The following RFT1 variants were observed in gnomAD, a reference collection of about 807,000 sequenced individuals.
RFT1 encodes the protein man(5)GlcNAc(2)-PP-dolichol translocation protein RFT1.
RFT1 carries 43 observed loss-of-function variants against 62.2 expected under a neutral mutation model. The observed-to-expected ratio is 0.69, with a 90% confidence interval of 0.54 to 0.89. The LOEUF (loss-of-function observed/expected upper bound fraction) is 0.89. Ranked by LOEUF, RFT1 falls within the 40% of genes least tolerant of loss-of-function variation. RFT1 has a pLI of 0.00. For missense variants in RFT1, 605 were observed against 649.9 expected, an observed-to-expected ratio of 0.93 and a Z score of 0.75; for synonymous variants, 262 against 264.6, an observed-to-expected ratio of 0.99 and a Z score of 0.10.
intron 10 of RFT1, among the ~76,000 whole-genome samples, chr3:53,102,920 G>T (rs978633013): frequency 6.6e-6 from 1 of 152,186 alleles, no homozygotes; most frequent in Non-Finnish European, 1.5e-5. Context: ...TTCTAAAGGG[G>T]AAGAGCTGCT....
chr3:53,121,667 T>C (rs1270076570), intron 5 of RFT1, 32 bp downstream of exon 5: 6 of 1,516,086 alleles, frequency 4.0e-6, no homozygotes, highest in Non-Finnish European at 5.5e-6. Flanking sequence ...GAAACAAAGA[T>C]CATATAAAAA....
chr3:53,116,926 A>G (rs2107149312), intron 6 of RFT1, among the ~76,000 whole-genome samples: 1 of 152,310 alleles, frequency 6.6e-6, no homozygotes, highest in Admixed American at 6.5e-5. Flanking sequence ...AATAAACCTG[A>G]ATTATGAATT....
intron 4 of RFT1, 80 bp from the exon 5 acceptor site, chr3:53,121,880 A>G (rs1440239582): frequency 8.4e-7 from 1 of 1,189,022 alleles, no homozygotes; most frequent in East Asian, 2.5e-5. Flanking sequence ...CAGAAAATCT[A>G]GGGCAGTGGT....
chr3:53,079,536 C>A, the RFT1 span, among the ~76,000 whole-genome samples: 8 of 152,182 alleles, frequency 5.3e-5, no homozygotes, highest in Non-Finnish European at 1.0e-4. Flanking sequence ...GAGTTCGAGA[C>A]CAGTCTGGCC....
rs201728146 is a variant in RFT1, at chr3:53,106,859, A to G, written c.786T>C (p.Tyr262=). The change falls in exon 8 of 13, where the codon TAT becomes TAC. Residue 262 remains tyrosine, a synonymous_variant. Coordinates refer to ENST00000296292, the MANE Select transcript of RFT1 (RefSeq NM_052859.4). ...TCAATACATTCAAAAATGTCATCAC[A>G]TATCGCTCGCCTATAAACAAAAAAG... ...LKQILTEGER[Y]VMTFLNVLNF... is the part of the protein sequence containing the mutation. 1.9e-6 allele frequency: 3 copies of G among 1,613,186 alleles called. No individual in the cohort carries two copies. In the East Asian group the frequency reaches 6.7e-5, roughly 36 times the overall value.
At chr3:53,125,500 C>G (rs1381258668) in intron 2 of RFT1, among the ~76,000 whole-genome samples, 2 of 152,210 alleles carry the variant, frequency 1.3e-5, no homozygotes, top group African/African-American at 4.8e-5. Context: ...AGGAAGGTGG[C>G]TGCTCCAGCC....
intron 7 of RFT1, among the ~76,000 whole-genome samples, chr3:53,108,964 G>A (rs2115780): frequency 0.3 from 45,100 of 151,934 alleles, 6,994 homozygotes; most frequent in East Asian, 0.49. Context: ...CCACCGTGCC[G>A]GGCCAAAATG....
chr3:53,109,797 C>G (rs906268637), intron 7 of RFT1, among the ~76,000 whole-genome samples: 2 of 152,070 alleles, frequency 1.3e-5, no homozygotes, highest in Admixed American at 1.3e-4. Context: ...GCCTGGGTGA[C>G]AGAGTGAGAC....
chr3:53,068,354 C>A, the RFT1 span, among the ~76,000 whole-genome samples: 1 of 152,156 alleles, frequency 6.6e-6, no homozygotes, highest in South Asian at 2.1e-4. Context: ...ACTCACTGGG[C>A]ACAGAGACCA....
At chr3:53,113,826 G>C (rs1359250322) in intron 6 of RFT1, among the ~76,000 whole-genome samples, 1 of 152,118 alleles carries the variant, frequency 6.6e-6, no homozygotes. Context: ...ATTTGGGACA[G>C]GGCAAGCCTA....
At chr3:53,106,743 T>C (rs1701486156) in intron 8 of RFT1, 76 bp downstream of exon 8, 1 of 1,071,880 alleles carries the variant, frequency 9.3e-7, no homozygotes, top group African/African-American at 1.6e-5. Flanking sequence ...TCATTAAATA[T>C]ATCAGAGAAA....
intron 1 of RFT1, among the ~76,000 whole-genome samples, chr3:53,129,940 C>A (rs1290609366): frequency 1.3e-5 from 2 of 152,194 alleles, no homozygotes; most frequent in African/African-American, 4.8e-5. Flanking sequence ...CATATGGACT[C>A]TCGGAACTCA....
At chr3:53,121,846 G>A (rs1701978201) in intron 4 of RFT1, 46 bp from the exon 5 acceptor site, 16 of 1,487,480 alleles carry the variant, frequency 1.1e-5, no homozygotes, top group African/African-American at 1.4e-5. Context: ...TCATCAAAAA[G>A]TCAAGATGTA....
the RFT1 span, among the ~76,000 whole-genome samples, chr3:53,080,587 T>C: frequency 6.6e-6 from 1 of 152,158 alleles, no homozygotes; most frequent in African/African-American, 2.4e-5. Flanking sequence ...AAACAAACGA[T>C]TCCAGGGACC....
chr3:53,120,540 G>A (rs957305719), intron 5 of RFT1, among the ~76,000 whole-genome samples: 1 of 152,176 alleles, frequency 6.6e-6, no homozygotes, highest in Non-Finnish European at 1.5e-5. Flanking sequence ...CTACAGATAG[G>A]GGAAGAAAGG....
At chr3:53,083,837 C>T (rs1243213284), downstream of RFT1, among the ~76,000 whole-genome samples, 1 of 152,242 alleles carries the variant, frequency 6.6e-6, no homozygotes, top group Non-Finnish European at 1.5e-5. Context: ...AACATTCTCT[C>T]GTCATTAGAG....
chr3:53,088,377 G>A (rs1380732473), downstream of RFT1: 1 of 152,176 alleles, frequency 6.6e-6, no homozygotes, highest in African/African-American at 2.4e-5. Context: ...TTCCAGCTGA[G>A]GAACACCAAA....
intron 7 of RFT1, among the ~76,000 whole-genome samples, chr3:53,108,635 G>A (rs923900148): frequency 5.3e-5 from 8 of 151,624 alleles, no homozygotes; most frequent in Admixed American, 1.3e-4. Context: ...CTCCCACCTC[G>A]GCCTCCCAAA....
At chr3:53,074,262 C>G in the RFT1 span, among the ~76,000 whole-genome samples, 1 of 152,222 alleles carries the variant, frequency 6.6e-6, no homozygotes, top group South Asian at 2.1e-4. Context: ...CAGCATCCCC[C>G]CTCCCAACCT....
Sources: allele counts gnomAD v4.1 joint callset (sites outside exome capture counted in the v4.1 genomes callset), GRCh38; gene constraint gnomAD v4.1.1; transcripts MANE v1.5; gene names NCBI Gene and HGNC (gene_info 2026-07-23, HGNC 2026-07-21).